SLC16A2: variants seen among roughly 807,000 people sequenced by gnomAD.
SLC16A2 encodes solute carrier family 16 member 2.
Under a neutral mutation model 27.2 loss-of-function variants are expected in SLC16A2, and 3 were observed. That is an observed-to-expected ratio of 0.11 (90% CI 0.05 to 0.28). The LOEUF is 0.28. Ranked by LOEUF, SLC16A2 falls within the 10% of genes least tolerant of loss-of-function variation. The pLI is 1.00. For missense variants in SLC16A2, 295 were observed against 458.5 expected (o/e 0.64, Z 3.26); for synonymous variants, 202 against 187.8 (o/e 1.08, Z -0.62).
rs772492116 is a variant in SLC16A2 at position 74,421,855 on chromosome X, G to T, written c.218G>T (p.Arg73Leu). Reference sequence around the variant, plus strand: ...CCGGAGCTGGAGTTCGAGTCCGAGCGGGTGCACGAACCCGAGCCCACGCCT... The same window carrying T: ...CCGGAGCTGGAGTTCGAGTCCGAGCTGGTGCACGAACCCGAGCCCACGCCT... ...PLPELEFESE[R>L]VHEPEPTPTV... Residue 73 changes from arginine to leucine, a missense_variant, in exon 1 of 6, where the codon CGG (arginine) becomes CTG (leucine). Coordinates refer to ENST00000587091, the MANE Select transcript of SLC16A2 (RefSeq NM_006517.5). 8.3e-7 allele frequency: 1 copy of T among 1,206,232 alleles called. No individual in the cohort carries two copies. Among genetic ancestry groups the T allele is most frequent in the Admixed American group, 2.2e-5 (1 of 45,813 alleles).
chrX:74,487,153 C>T (rs1929736469), intron 1 of SLC16A2, among the ~76,000 whole-genome samples: 1 of 110,473 alleles, frequency 9.1e-6, no homozygotes, highest in Non-Finnish European at 1.9e-5. Context: ...TTTGGGTTCC[C>T]AGCAGAGAGT....
chrX:74,437,202 A>G (rs1484017659), intron 1 of SLC16A2, among the ~76,000 whole-genome samples: 1 of 98,804 alleles, frequency 1.0e-5, no homozygotes, highest in African/African-American at 4.1e-5. Flanking sequence ...AGGATGGTTT[A>G]TCTTCTGGGG....
chrX:74,469,396 C>T (rs1929310496), intron 1 of SLC16A2, among the ~76,000 whole-genome samples: 1 of 111,650 alleles, frequency 9.0e-6, no homozygotes, highest in African/African-American at 3.3e-5. Flanking sequence ...TTTTAAGGAA[C>T]TGCCAAAATG....
At chrX:74,458,976 G>A (rs1929082134) in intron 1 of SLC16A2, among the ~76,000 whole-genome samples, 1 of 108,850 alleles carries the variant, frequency 9.2e-6, no homozygotes, top group African/African-American at 3.4e-5. Flanking sequence ...TAAATCTCCT[G>A]GATTGGTGTT....
At chrX:74,459,046 T>C (rs1245507388) in intron 1 of SLC16A2, among the ~76,000 whole-genome samples, 1 of 105,040 alleles carries the variant, frequency 9.5e-6, no homozygotes, top group East Asian at 3.0e-4. Flanking sequence ...TTTGGGCCAG[T>C]GTTGTGAAAG....
intron 1 of SLC16A2, among the ~76,000 whole-genome samples, chrX:74,481,802 A>G (rs970157551): frequency 1.9e-5 from 2 of 107,199 alleles, no homozygotes; most frequent in African/African-American, 6.8e-5. Context: ...TAGGTTATTG[A>G]TTTGAGATGT....
intron 2 of SLC16A2, among the ~76,000 whole-genome samples, chrX:74,521,593 T>C (rs1386228405): frequency 4.4e-5 from 5 of 112,386 alleles, no homozygotes; most frequent in African/African-American, 1.6e-4. Flanking sequence ...CATCCCAAGA[T>C]TGAGCTTCTC....
intron 1 of SLC16A2, among the ~76,000 whole-genome samples, chrX:74,435,555 T>TATA (rs1182486741): frequency 3.0e-5 from 1 of 32,948 alleles, no homozygotes; most frequent in African/African-American, 7.2e-5. Context: ...ATATATATAT[T>TATA]TTTTTTTTTT....
At chrX:74,456,893 G>A (rs1929049865) in intron 1 of SLC16A2, among the ~76,000 whole-genome samples, 1 of 112,072 alleles carries the variant, frequency 8.9e-6, no homozygotes, top group Non-Finnish European at 1.9e-5. Context: ...ATAGAGACAT[G>A]AGGGTTCAGA....
chrX:74,500,303 C>G (rs1451537694), intron 1 of SLC16A2, among the ~76,000 whole-genome samples: 1 of 111,511 alleles, frequency 9.0e-6, no homozygotes, highest in Non-Finnish European at 1.9e-5. Context: ...GCATTTGACC[C>G]TCTTCCAGGA....
At chrX:74,496,448 A>T (rs1422955231) in intron 1 of SLC16A2, among the ~76,000 whole-genome samples, 1 of 112,026 alleles carries the variant, frequency 8.9e-6, no homozygotes, top group African/African-American at 3.2e-5. Context: ...ACAGTAAACA[A>T]GGGGGACATG....
intron 4 of SLC16A2, among the ~76,000 whole-genome samples, chrX:74,526,641 G>T (rs1930490663): frequency 8.9e-6 from 1 of 112,226 alleles, no homozygotes; most frequent in African/African-American, 3.2e-5. Context: ...TCATTACAGT[G>T]GTGGAGAAAC....
intron 1 of SLC16A2, chrX:74,477,153 C>T (rs1186485243): frequency 8.9e-6 from 1 of 111,839 alleles, no homozygotes; most frequent in Non-Finnish European, 1.9e-5. Flanking sequence ...GCCTCATTTT[C>T]AGAGCCTGTT....
chrX:74,460,943 G>C (rs938076349), intron 1 of SLC16A2, among the ~76,000 whole-genome samples: 2 of 111,783 alleles, frequency 1.8e-5, no homozygotes, highest in African/African-American at 3.3e-5. Context: ...GAGCCACTGT[G>C]CCCGGCCAAC....
At chrX:74,445,422 C>T (rs1359940322) in intron 1 of SLC16A2, among the ~76,000 whole-genome samples, 1 of 109,393 alleles carries the variant, frequency 9.1e-6, no homozygotes, top group Non-Finnish European at 1.9e-5. Flanking sequence ...TATTTCATTT[C>T]ACTATATATA....
chrX:74,469,580 T>C (rs1929314201), intron 1 of SLC16A2, among the ~76,000 whole-genome samples: 1 of 111,498 alleles, frequency 9.0e-6, no homozygotes, highest in Admixed American at 9.6e-5. Flanking sequence ...ACTAAAGATA[T>C]TAGGTATCTT....
chrX:74,455,900 C>A (rs1184468989), intron 1 of SLC16A2, among the ~76,000 whole-genome samples: 1 of 111,586 alleles, frequency 9.0e-6, no homozygotes, highest in Non-Finnish European at 1.9e-5. Context: ...TTAGCTCAGG[C>A]AACTTTATCA....
intron 1 of SLC16A2, among the ~76,000 whole-genome samples, chrX:74,457,880 A>G (rs1929065202): frequency 8.9e-6 from 1 of 111,872 alleles, no homozygotes; most frequent in Non-Finnish European, 1.9e-5. Flanking sequence ...AATGCTGTTC[A>G]GCATTTTGCC....
At chrX:74,500,282 G>C (rs776717962) in intron 1 of SLC16A2, among the ~76,000 whole-genome samples, 6 of 111,181 alleles carry the variant, frequency 5.4e-5, no homozygotes, top group Non-Finnish European at 1.1e-4. Flanking sequence ...TTGAGGTCCA[G>C]GGAACACAGG....
Sources: allele counts gnomAD v4.1 joint callset (sites outside exome capture counted in the v4.1 genomes callset), GRCh38; gene constraint gnomAD v4.1.1; transcripts MANE v1.5; gene names NCBI Gene and HGNC (gene_info 2026-07-23, HGNC 2026-07-21).